Variants in ENTREP2 observed in about 807,000 individuals in gnomAD.
ENTREP2 encodes the protein endosomal transmembrane epsin interactor 2.
chr15:29,326,742 G>C, the ENTREP2 span, among the ~76,000 whole-genome samples: 1 of 152,116 alleles, frequency 6.6e-6, no homozygotes, highest in African/African-American at 2.4e-5. Flanking sequence ...CAAAGACCTA[G>C]AATAGCCAAC....
At chr15:29,142,342 T>C in the ENTREP2 span, among the ~76,000 whole-genome samples, 8 of 152,332 alleles carry the variant, frequency 5.3e-5, no homozygotes, top group East Asian at 9.6e-4. Context: ...AGAAAAACGA[T>C]TGTGTGTCCA....
chr15:29,457,678 C>G, the ENTREP2 span, among the ~76,000 whole-genome samples: 2 of 152,210 alleles, frequency 1.3e-5, no homozygotes, highest in African/African-American at 4.8e-5. Context: ...GCAGTGGAGG[C>G]CTCACTTCCC....
chr15:29,607,945 C>T, the ENTREP2 span, among the ~76,000 whole-genome samples: 1 of 152,124 alleles, frequency 6.6e-6, no homozygotes, highest in Non-Finnish European at 1.5e-5. Flanking sequence ...GCCTGAGGAA[C>T]AAGGAGAGCC....
chr15:29,229,453 A>G, the ENTREP2 span, among the ~76,000 whole-genome samples: 1 of 152,198 alleles, frequency 6.6e-6, no homozygotes, highest in Non-Finnish European at 1.5e-5. Context: ...AATTGAGCTT[A>G]TGGAAAGAGA....
chr15:29,346,843 T>C, the ENTREP2 span, among the ~76,000 whole-genome samples: 5 of 152,324 alleles, frequency 3.3e-5, no homozygotes, highest in African/African-American at 9.6e-5. Context: ...GGCCACACAC[T>C]AAAGCTAAAG....
chr15:29,380,547 T>G, the ENTREP2 span, among the ~76,000 whole-genome samples: 2 of 152,138 alleles, frequency 1.3e-5, no homozygotes, highest in Non-Finnish European at 2.9e-5. Context: ...CATATATTAA[T>G]GCATACACTG....
chr15:29,478,019 A>ATATATTTATATATTTT, the ENTREP2 span, among the ~76,000 whole-genome samples: 1 of 54,286 alleles, frequency 1.8e-5, no homozygotes, highest in African/African-American at 9.0e-5. Flanking sequence ...ATATATATAT[A>ATATATTTATATATTTT]TTTTTTTTTT....
chr15:29,662,063 T>C, the ENTREP2 span, among the ~76,000 whole-genome samples: 1 of 151,612 alleles, frequency 6.6e-6, no homozygotes, highest in Non-Finnish European at 1.5e-5. Flanking sequence ...ATACAAAAAT[T>C]AACTGGGAGT....
At chr15:29,359,139 A>T in the ENTREP2 span, among the ~76,000 whole-genome samples, 2 of 152,220 alleles carry the variant, frequency 1.3e-5, no homozygotes, top group Non-Finnish European at 1.5e-5. Context: ...CGCAGTGAAT[A>T]TGAACATGAA....
chr15:29,283,954 AATGAAAGACG>A, the ENTREP2 span, among the ~76,000 whole-genome samples: 1 of 152,156 alleles, frequency 6.6e-6, no homozygotes. Flanking sequence ...AGGAAGATAA[AATGAAAGACG>A]TATCCCACAG....
At chr15:29,661,119 G>C in the ENTREP2 span, among the ~76,000 whole-genome samples, 3 of 152,188 alleles carry the variant, frequency 2.0e-5, no homozygotes, top group Admixed American at 2.0e-4. Context: ...CAAGGCCAAA[G>C]ATGTTTTAAC....
the ENTREP2 span, among the ~76,000 whole-genome samples, chr15:29,465,524 T>G: frequency 1.3e-5 from 2 of 152,278 alleles, no homozygotes; most frequent in Middle Eastern, 3.4e-3. Context: ...AAACACCTTC[T>G]GATACCCTAC....
the ENTREP2 span, among the ~76,000 whole-genome samples, chr15:29,565,225 C>A: frequency 6.6e-6 from 1 of 152,132 alleles, no homozygotes; most frequent in African/African-American, 2.4e-5. Context: ...AATGCTCAGC[C>A]TTGCTAATAT....
chr15:29,657,096 A>C, the ENTREP2 span, among the ~76,000 whole-genome samples: 20 of 152,156 alleles, frequency 1.3e-4, no homozygotes, highest in African/African-American at 4.3e-4. Flanking sequence ...TCCTCACGCC[A>C]GAGGGCAGTG....
At chr15:29,510,601 C>T in the ENTREP2 span, among the ~76,000 whole-genome samples, 53,956 of 151,348 alleles carry the variant, frequency 0.36, 10,042 homozygotes, top group African/African-American at 0.46. Context: ...GTCAGGAGAT[C>T]GAGACCATCC....
chr15:29,537,556 T>C, the ENTREP2 span, among the ~76,000 whole-genome samples: 1 of 152,184 alleles, frequency 6.6e-6, no homozygotes, highest in African/African-American at 2.4e-5. Flanking sequence ...CCTCAAACCC[T>C]TGGCCTGGCC....
At chr15:29,617,652 G>A in the ENTREP2 span, among the ~76,000 whole-genome samples, 1 of 152,222 alleles carries the variant, frequency 6.6e-6, no homozygotes, top group Non-Finnish European at 1.5e-5. Flanking sequence ...TAAAAGATGA[G>A]GCTTTGGGGG....
chr15:29,655,557 C>T, the ENTREP2 span, among the ~76,000 whole-genome samples: 1 of 152,202 alleles, frequency 6.6e-6, no homozygotes. Context: ...GAGAGCCAGA[C>T]TTAGATATCA....
chr15:29,593,553 A>T, the ENTREP2 span, among the ~76,000 whole-genome samples: 1 of 152,192 alleles, frequency 6.6e-6, no homozygotes, highest in Non-Finnish European at 1.5e-5. Flanking sequence ...GCAAATCCAC[A>T]AACAGCCCAT....
Sources: allele counts gnomAD v4.1 joint callset (sites outside exome capture counted in the v4.1 genomes callset), GRCh38; gene constraint gnomAD v4.1.1; transcripts MANE v1.5; gene names NCBI Gene and HGNC (gene_info 2026-07-23, HGNC 2026-07-21).